MAMLD1: variants seen among roughly 807,000 people sequenced by gnomAD.
The protein encoded by MAMLD1 is mastermind like domain containing 1.
A neutral mutation model predicts 45.0 loss-of-function variants in MAMLD1; 14 were observed. That is an observed-to-expected ratio of 0.31 (90% CI 0.21 to 0.49). The LOEUF is 0.49. Ranked by LOEUF, MAMLD1 falls within the 20% of genes least tolerant of loss-of-function variation. The pLI, the probability that MAMLD1 is intolerant of heterozygous loss-of-function variation, is 0.99. For synonymous variants in MAMLD1, 254 were observed against 247.8 expected, an observed-to-expected ratio of 1.02 and a Z score of -0.24; for missense variants, 543 against 603.6, an observed-to-expected ratio of 0.90 and a Z score of 1.05.
chrX:150,403,962 AAG>A (rs1471233879), intron 1 of MAMLD1, among the ~76,000 whole-genome samples: 2 of 88,930 alleles, frequency 2.2e-5, no homozygotes, highest in Admixed American at 1.2e-4. Context: ...GAAAGAAAGA[AAG>A]AAAGAAAGAA....
intron 5 of MAMLD1, among the ~76,000 whole-genome samples, chrX:150,489,687 A>G (rs1557407855): frequency 9.1e-6 from 1 of 109,315 alleles, no homozygotes; most frequent in Admixed American, 9.7e-5. Context: ...TGAGGGAAAA[A>G]GGGTTCCCTC....
intron 2 of MAMLD1, among the ~76,000 whole-genome samples, chrX:150,447,641 G>A (rs2035534015): frequency 9.0e-6 from 1 of 111,683 alleles, no homozygotes; most frequent in Admixed American, 9.4e-5. Flanking sequence ...AGAATGGCCT[G>A]TGAGTCCACC....
intron 5 of MAMLD1, among the ~76,000 whole-genome samples, chrX:150,481,990 AAGAAAG>A (rs1457345420): frequency 5.8e-5 from 6 of 103,505 alleles, no homozygotes; most frequent in Non-Finnish European, 9.8e-5. Flanking sequence ...GAAAGAAAGA[AAGAAAG>A]AAAGAAAGAA....
intron 1 of MAMLD1, among the ~76,000 whole-genome samples, chrX:150,410,549 G>T (rs1401318557): frequency 3.6e-5 from 4 of 111,831 alleles, no homozygotes; most frequent in African/African-American, 1.3e-4. Flanking sequence ...CATCACAGTG[G>T]CCAGGTTTCC....
intron 5 of MAMLD1, among the ~76,000 whole-genome samples, chrX:150,483,351 T>C (rs1183819549): frequency 8.9e-6 from 1 of 112,507 alleles, no homozygotes; most frequent in African/African-American, 3.2e-5. Context: ...TCCTCAGGCA[T>C]AGGAAGACGT....
intron 5 of MAMLD1, among the ~76,000 whole-genome samples, chrX:150,488,301 G>A (rs2037060176): frequency 8.9e-6 from 1 of 112,473 alleles, no homozygotes; most frequent in Admixed American, 9.4e-5. Context: ...CAACTCAGCA[G>A]GGCCTGGAGA....
intron 5 of MAMLD1, among the ~76,000 whole-genome samples, chrX:150,485,327 AG>A (rs1346393125): frequency 9.0e-6 from 1 of 111,521 alleles, no homozygotes; most frequent in Non-Finnish European, 1.9e-5. Flanking sequence ...ATATTAGACT[AG>A]GAATTGAGAA....
intron 6 of MAMLD1, among the ~76,000 whole-genome samples, chrX:150,509,115 C>G (rs1557409003): frequency 2.7e-5 from 3 of 111,915 alleles, no homozygotes; most frequent in Non-Finnish European, 1.9e-5. Context: ...CGCTCCTCCC[C>G]CTGCCCACCC....
At chrX:150,460,425 A>G (rs782162093) in intron 2 of MAMLD1, among the ~76,000 whole-genome samples, 1 of 112,561 alleles carries the variant, frequency 8.9e-6, no homozygotes, top group Non-Finnish European at 1.9e-5. Flanking sequence ...CAGAAATGGA[A>G]TCACCTCAAG....
intron 1 of MAMLD1, among the ~76,000 whole-genome samples, chrX:150,380,910 C>A (rs1332082806): frequency 8.3e-5 from 9 of 108,963 alleles, no homozygotes; most frequent in African/African-American, 3.0e-4. Flanking sequence ...CTATGTTGCT[C>A]AGGCTGGTCT....
intron 4 of MAMLD1, among the ~76,000 whole-genome samples, chrX:150,472,284 T>C (rs1205978082): frequency 8.9e-6 from 1 of 112,498 alleles, no homozygotes; most frequent in Non-Finnish European, 1.9e-5. Flanking sequence ...CCCCTGCCTG[T>C]ATTAGTTATC....
chrX:150,470,031 T>C lies in MAMLD1; in HGVS notation c.458T>C (p.Val153Ala). ...TTTGTAGTACCACAGACTACAGAAG[T>C]GGGACTGAAAGGGCCCACTGTTCCT... The part of the protein sequence containing the change: ...SPFVVPQTTE[V>A]GLKGPTVPYY... The change falls in exon 4 of 8, where the codon GTG (valine) becomes GCG (alanine). Residue 153 changes from valine to alanine, a missense_variant. By Grantham distance (64) the Val-to-Ala change is moderately conservative. Transcript: ENST00000370401. The C allele has an allele frequency of 8.3e-7, 1 of 1,211,553 alleles. No individual in the cohort carries two copies. Among genetic ancestry groups the C allele is most frequent in the South Asian group, 1.8e-5 (1 of 56,963 alleles).
chrX:150,504,350 G>T lies in MAMLD1; in HGVS notation c.2284+833G>T, dbSNP rs781878381. 1.3e-5 allele frequency: 10 copies of T among 750,808 alleles called. No individual in the cohort carries two copies. In the East Asian group the frequency reaches 1.1e-3, roughly 80 times the overall value. The allele number at this position is 750,808 out of a possible 1,213,427, so 61.9% of individuals were successfully genotyped here. ...AACATTTTCTAAGTGATAGTGATCA[G>T]AAGATGGTCATTAAGCTGAAAGGGC... is the stretch of plus-strand genomic sequence containing the variant. On this transcript the variant is annotated intron_variant, in intron 6 of 7. Coordinates refer to ENST00000370401, the MANE Select transcript of MAMLD1 (RefSeq NM_005491.5).
chrX:150,369,872 C>G (rs1023732784), intron 1 of MAMLD1, among the ~76,000 whole-genome samples: 2 of 107,756 alleles, frequency 1.9e-5, no homozygotes, highest in African/African-American at 6.8e-5. Context: ...ACATTTCCAA[C>G]TTTGGGGATA....
chrX:150,414,548 T>C (rs5924952), intron 1 of MAMLD1, among the ~76,000 whole-genome samples: 28,209 of 110,350 alleles, frequency 0.26, 2,916 homozygotes, highest in Non-Finnish European at 0.33. Flanking sequence ...TGGAGGAGGA[T>C]TGAGAATTCA....
chrX:150,454,778 C>CTTCA (rs1369552589), intron 2 of MAMLD1, among the ~76,000 whole-genome samples: 1 of 110,738 alleles, frequency 9.0e-6, no homozygotes, highest in Non-Finnish European at 1.9e-5. Flanking sequence ...CTACCCTCAC[C>CTTCA]TTCACTACCA....
At chrX:150,368,026 G>A (rs1209837267) in intron 1 of MAMLD1, among the ~76,000 whole-genome samples, 1 of 111,066 alleles carries the variant, frequency 9.0e-6, no homozygotes, top group African/African-American at 3.3e-5. Flanking sequence ...ACATACGTGT[G>A]CATGTGTCTT....
intron 5 of MAMLD1, among the ~76,000 whole-genome samples, chrX:150,501,508 G>A (rs1442242055): frequency 8.9e-6 from 1 of 112,044 alleles, no homozygotes; most frequent in Admixed American, 9.4e-5. Flanking sequence ...CCCATGGGAG[G>A]GGCACTGAGC....
intron 1 of MAMLD1, among the ~76,000 whole-genome samples, chrX:150,392,065 C>A (rs782194001): frequency 8.4e-4 from 94 of 112,130 alleles, no homozygotes; most frequent in East Asian, 1.4e-3. Flanking sequence ...GTAAGCCCAG[C>A]TTCCCACCAG....
Sources: gnomAD v4.1 joint callset for allele counts (sites outside exome capture counted in the v4.1 genomes callset) on GRCh38, gnomAD v4.1.1 for gene constraint, MANE v1.5 for transcripts, NCBI Gene and HGNC (gene_info 2026-07-23, HGNC 2026-07-21) for gene names.